Variants in ZNF385D observed in about 807,000 individuals in gnomAD.
ZNF385D encodes zinc finger protein 385D, also known as zinc finger protein 659.
In ZNF385D, 15 loss-of-function variants were observed where a neutral mutation model predicts 35.8. The observed-to-expected ratio is 0.42, with a 90% confidence interval of 0.28 to 0.64. The LOEUF is 0.64. Among genes scored for constraint, ZNF385D ranks in the 30% least tolerant of loss-of-function variants. The pLI, the probability that ZNF385D is intolerant of heterozygous loss-of-function variation, is 0.23. For synonymous variants in ZNF385D, 212 were observed against 186.8 expected (o/e 1.13, Z -1.10); for missense variants, 474 against 494.6 (o/e 0.96, Z 0.39).
At chr3:21,690,018 TAACA>T (rs1475922140) in intron 1 of ZNF385D, among the ~76,000 whole-genome samples, 2 of 152,130 alleles carry the variant, frequency 1.3e-5, no homozygotes, top group Non-Finnish European at 2.9e-5. Flanking sequence ...AAATTAAAGA[TAACA>T]AATATGTTAA....
intron 3 of ZNF385D, among the ~76,000 whole-genome samples, chr3:22,110,552 A>T: frequency 6.6e-6 from 1 of 150,926 alleles, no homozygotes; most frequent in South Asian, 2.1e-4. Flanking sequence ...AAAACCAAAC[A>T]CCGCATGTTC....
At chr3:21,488,531 G>A (rs1202741482) in intron 4 of ZNF385D, among the ~76,000 whole-genome samples, 1 of 152,052 alleles carries the variant, frequency 6.6e-6, no homozygotes, top group Non-Finnish European at 1.5e-5. Context: ...GTGGCCACAT[G>A]TGTCTACATC....
intron 3 of ZNF385D, among the ~76,000 whole-genome samples, chr3:21,806,170 G>T (rs375917304): frequency 4.0e-5 from 6 of 149,286 alleles, no homozygotes; most frequent in African/African-American, 1.5e-4. Context: ...TTTCACTTCT[G>T]CATTCCTTCT....
At chr3:21,859,962 T>G (rs1341149098) in intron 3 of ZNF385D, among the ~76,000 whole-genome samples, 1 of 151,812 alleles carries the variant, frequency 6.6e-6, no homozygotes, top group Non-Finnish European at 1.5e-5. Flanking sequence ...GGAAATAATT[T>G]CAGACACAAT....
chr3:22,344,118 T>A (rs547003750), intron 2 of ZNF385D, among the ~76,000 whole-genome samples: 14 of 150,980 alleles, frequency 9.3e-5, no homozygotes, highest in African/African-American at 2.2e-4. Context: ...GACAAACCGT[T>A]CCATTTGGCC....
chr3:21,635,469 T>A (rs2065400821), intron 2 of ZNF385D, among the ~76,000 whole-genome samples: 1 of 152,056 alleles, frequency 6.6e-6, no homozygotes, highest in Admixed American at 6.6e-5. Flanking sequence ...TGGACCAAAC[T>A]TCATAGTTAA....
intron 3 of ZNF385D, among the ~76,000 whole-genome samples, chr3:21,763,014 A>G (rs1018725783): frequency 3.3e-5 from 5 of 152,164 alleles, no homozygotes; most frequent in African/African-American, 1.2e-4. Flanking sequence ...GTCATTGAGT[A>G]GGTACTCAAC....
At chr3:21,916,313 A>C (rs1057451337) in intron 3 of ZNF385D, among the ~76,000 whole-genome samples, 1 of 152,150 alleles carries the variant, frequency 6.6e-6, no homozygotes, top group African/African-American at 2.4e-5. Flanking sequence ...TGGTATTTGA[A>C]TCTTATTTTA....
In ZNF385D at chr3:22,171,950, A is replaced by T. The variant is rs76272433; in HGVS notation, c.107-2915T>A. ...GCAGTGGCTCAAATGGCACTCTCTG[A>T]AGTAGGAGGCAATATTCGTAAGCAA... On this transcript the variant is annotated intron_variant, in intron 2 of 5. Transcript: ENST00000494108. Among the ~76,000 whole-genome samples, 834 of 152,022 alleles carry T rather than the reference A, an allele frequency of 5.5e-3. 14 individuals carry two copies. The highest frequency in any genetic ancestry group is 0.019 in the African/African-American group (782 of 41,434).
chr3:21,954,782 C>T (rs928642895), intron 3 of ZNF385D, among the ~76,000 whole-genome samples: 4 of 152,114 alleles, frequency 2.6e-5, no homozygotes, highest in Admixed American at 2.0e-4. Flanking sequence ...TAATGTTAGA[C>T]ATCCCCACCC....
chr3:21,691,697 A>G (rs1457346959), intron 1 of ZNF385D, among the ~76,000 whole-genome samples: 4 of 152,132 alleles, frequency 2.6e-5, no homozygotes, highest in African/African-American at 9.7e-5. Flanking sequence ...CATTCTCACA[A>G]TACTGTTTTT....
At chr3:21,821,879 T>C (rs1694257065) in intron 3 of ZNF385D, among the ~76,000 whole-genome samples, 3 of 147,752 alleles carry the variant, frequency 2.0e-5, no homozygotes, top group African/African-American at 7.5e-5. Flanking sequence ...GACAGGAGGA[T>C]CACTAGAGCC....
rs73822026 is a variant in ZNF385D, at chr3:21,730,571, C to T, written c.22+20324G>A. Among the ~76,000 whole-genome samples the T allele has an allele frequency of 7.5e-3, 1,135 of 152,224 alleles. 17 individuals are homozygous for T. The highest frequency in any genetic ancestry group is 0.026 in the African/African-American group (1,077 of 41,518). ...AGTGTCAGGCACTGTCTAATGCTAA[C>T]GATAGAGCAGTGAACAAAGGAGATC... On this transcript the variant is annotated intron_variant, in intron 1 of 7. Coordinates refer to ENST00000281523, the MANE Select transcript of ZNF385D (RefSeq NM_024697.3).
chr3:22,300,241 T>C (rs1702823677), intron 2 of ZNF385D, among the ~76,000 whole-genome samples: 1 of 151,974 alleles, frequency 6.6e-6, no homozygotes, highest in African/African-American at 2.4e-5. Context: ...TTGAGAAAAC[T>C]GGATTTTTGC....
At chr3:21,439,216 A>AAAATTTCC (rs1701732667) in intron 4 of ZNF385D, among the ~76,000 whole-genome samples, 1 of 151,752 alleles carries the variant, frequency 6.6e-6, no homozygotes, top group Admixed American at 6.6e-5. Context: ...AGAAGTTAAG[A>AAAATTTCC]AAATTTCCCA....
chr3:22,222,811 C>A (rs962003321), intron 2 of ZNF385D, among the ~76,000 whole-genome samples: 1 of 152,156 alleles, frequency 6.6e-6, no homozygotes, highest in Admixed American at 6.5e-5. Context: ...TAAAGAATGA[C>A]ATAATTGCTC....
At chr3:22,103,854 C>G (rs1702068215) in intron 3 of ZNF385D, among the ~76,000 whole-genome samples, 1 of 151,856 alleles carries the variant, frequency 6.6e-6, no homozygotes, top group Admixed American at 6.6e-5. Context: ...AAGGGAAAAT[C>G]TCATCTTGAG....
intron 1 of ZNF385D, among the ~76,000 whole-genome samples, chr3:21,707,073 G>A (rs965947952): frequency 2.0e-5 from 3 of 152,124 alleles, no homozygotes; most frequent in Non-Finnish European, 4.4e-5. Flanking sequence ...TCAAATTTGA[G>A]TGGGCTTTAC....
chr3:21,449,835 T>G (rs451582), intron 4 of ZNF385D, among the ~76,000 whole-genome samples: 92,004 of 152,020 alleles, frequency 0.61, 27,994 homozygotes, highest in African/African-American at 0.65. Flanking sequence ...GGCCAAGAAT[T>G]CTAGCAGTCC....
Sources: allele counts gnomAD v4.1 joint callset (sites outside exome capture counted in the v4.1 genomes callset), GRCh38; gene constraint gnomAD v4.1.1; transcripts MANE v1.5; gene names NCBI Gene and HGNC (gene_info 2026-07-23, HGNC 2026-07-21).